Variants in MYO5A observed in about 807,000 individuals in gnomAD.
MYO5A encodes unconventional myosin-Va.
MYO5A carries 98 observed loss-of-function variants against 249.7 expected under a neutral mutation model. The ratio of observed to expected loss-of-function variants is 0.39; its 90% CI spans 0.33 to 0.46. MYO5A has a LOEUF of 0.46. Ranked by LOEUF, MYO5A falls within the 20% of genes least tolerant of loss-of-function variation. MYO5A has a pLI of 0.98. For synonymous variants in MYO5A, 778 were observed against 810.6 expected, an observed-to-expected ratio of 0.96 and a Z score of 0.68; for missense variants, 1,696 against 2,308.8, an observed-to-expected ratio of 0.73 and a Z score of 5.44.
chr15:52,399,243 G>C (rs1035536511), intron 9 of MYO5A, among the ~76,000 whole-genome samples: 1 of 152,000 alleles, frequency 6.6e-6, no homozygotes, highest in East Asian at 1.9e-4. Flanking sequence ...TATATCTTTC[G>C]AGGCTATGTC....
At chr15:52,472,861 A>G (rs2076505961) in intron 1 of MYO5A, among the ~76,000 whole-genome samples, 1 of 152,190 alleles carries the variant, frequency 6.6e-6, no homozygotes. Context: ...ATACGTGTAC[A>G]TGTGTCTTTA....
At chr15:52,474,206 T>G (rs2076540358) in intron 1 of MYO5A, among the ~76,000 whole-genome samples, 1 of 152,226 alleles carries the variant, frequency 6.6e-6, no homozygotes, top group African/African-American at 2.4e-5. Flanking sequence ...GTTATTGATG[T>G]GTAAGAATGC....
At chr15:52,453,228 C>A (rs542954383) in intron 1 of MYO5A, among the ~76,000 whole-genome samples, 2 of 152,164 alleles carry the variant, frequency 1.3e-5, no homozygotes, top group African/African-American at 2.4e-5. Flanking sequence ...CATTTTGCAA[C>A]AGACCTCTCA....
At chr15:52,454,751 A>T (rs12442531) in intron 1 of MYO5A, among the ~76,000 whole-genome samples, 1 of 152,040 alleles carries the variant, frequency 6.6e-6, no homozygotes, top group African/African-American at 2.4e-5. Flanking sequence ...ATTAAGATGG[A>T]AATTTAAAAT....
chr15:52,334,770 A>C (rs1050703552), intron 34 of MYO5A, among the ~76,000 whole-genome samples: 6 of 152,382 alleles, frequency 3.9e-5, no homozygotes, highest in African/African-American at 1.4e-4. Flanking sequence ...GGAAGCTCAG[A>C]GTCTATTATG....
At chr15:52,478,301 G>A (rs1026833393) in intron 1 of MYO5A, among the ~76,000 whole-genome samples, 19 of 152,156 alleles carry the variant, frequency 1.2e-4, no homozygotes. Context: ...TTTTCCAGGT[G>A]CCATCTCTCA....
At chr15:52,499,987 G>C (rs1232958467) in intron 1 of MYO5A, among the ~76,000 whole-genome samples, 2 of 152,138 alleles carry the variant, frequency 1.3e-5, no homozygotes, top group Non-Finnish European at 2.9e-5. Context: ...AGGATTTTGA[G>C]GGTTACAGTG....
intron 8 of MYO5A, among the ~76,000 whole-genome samples, chr15:52,405,882 GCCCA>G (rs2042983252): frequency 6.6e-6 from 1 of 152,162 alleles, no homozygotes; most frequent in Non-Finnish European, 1.5e-5. Flanking sequence ...TCCAGATACA[GCCCA>G]ATAAAGCTGT....
chr15:52,513,589 T>C (rs1215687697), intron 1 of MYO5A, among the ~76,000 whole-genome samples: 2 of 151,128 alleles, frequency 1.3e-5, no homozygotes, highest in African/African-American at 4.9e-5. Flanking sequence ...CACGTCCAGC[T>C]AATTTTTTTT....
rs370941678 is a variant in MYO5A, at chr15:52,477,063, C to T, written c.28-43778G>A. On this transcript the variant is annotated intron_variant, in intron 1 of 41. Coordinates refer to ENST00000399233, the MANE Select transcript of MYO5A (RefSeq NM_001382347.1). ...TGTAGATTTGGTCTTTTCACATAGT[C>T]CCATATTTCTTGGAGGCTTTGTCAT... Among the ~76,000 whole-genome samples the T allele has an allele frequency of 1.5e-3, 232 of 152,320 alleles. 2 individuals carry two copies. The Middle Eastern group carries it at 0.017, about 11-fold the overall frequency.
intron 24 of MYO5A, among the ~76,000 whole-genome samples, chr15:52,362,272 A>G (rs980882417): frequency 6.6e-6 from 1 of 152,296 alleles, no homozygotes; most frequent in East Asian, 1.9e-4. Context: ...CATTCATATG[A>G]CGACTCTGTT....
intron 1 of MYO5A, among the ~76,000 whole-genome samples, chr15:52,482,827 C>G (rs2076741920): frequency 6.6e-6 from 1 of 152,178 alleles, no homozygotes. Context: ...TAAATAGTGA[C>G]TCTATCCCCT....
At chr15:52,387,743 G>A in intron 14 of MYO5A, 86 bp downstream of exon 14, 1 of 1,094,786 alleles carries the variant, frequency 9.1e-7, no homozygotes, top group Non-Finnish European at 1.4e-6. Context: ...AACTGAAACA[G>A]ATTTTTGTTA....
At chr15:52,431,501 T>C (rs752046895) in intron 2 of MYO5A, among the ~76,000 whole-genome samples, 5 of 152,008 alleles carry the variant, frequency 3.3e-5, no homozygotes, top group African/African-American at 7.2e-5. Flanking sequence ...TATCCATCCA[T>C]GTATATATTT....
chr15:52,386,291 G>A lies in MYO5A; in HGVS notation c.1752+1538C>T, dbSNP rs190378136. Among the ~76,000 whole-genome samples, 147 of 146,266 alleles carry A rather than the reference G, an allele frequency of 1.0e-3. 3 individuals are homozygous for A. The South Asian group carries it at 0.02, about 20-fold the overall frequency. ...ATCACATCACTGCACTCTAGCCTGG[G>A]TGACAGTGAGACACTGTCTCAAAAC... On this transcript the variant is annotated intron_variant, in intron 14 of 41. Transcript: ENST00000399233.
intron 34 of MYO5A, chr15:52,331,573 G>C: frequency 1.5e-6 from 1 of 681,398 alleles, no homozygotes. Flanking sequence ...AAAAACATTA[G>C]AAAGCTTAAT....
rs565207103 is a variant in MYO5A, at chr15:52,350,115, G to A, written c.3849+1139C>T. Among the ~76,000 whole-genome samples, 162 of 152,218 alleles carry A rather than the reference G, an allele frequency of 1.1e-3. 1 individual carries two copies. The highest frequency in any genetic ancestry group is 3.8e-3 in the African/African-American group (159 of 41,532). Reference sequence around the variant, plus strand: ...ACCCGGTTGATTTTTTGTATTTTTAGTAGAGATGGGGTTTCACTGTGTTAG... The same window carrying A: ...ACCCGGTTGATTTTTTGTATTTTTAATAGAGATGGGGTTTCACTGTGTTAG... On this transcript the variant is annotated intron_variant, in intron 28 of 41. Transcript: ENST00000399233.
rs371687120 is a variant in MYO5A, at chr15:52,410,318, A to G, written c.756+15T>C. 5.6e-6 allele frequency: 9 copies of G among 1,611,124 alleles called. 1 individual carries two copies. In the Middle Eastern group the frequency reaches 8.2e-4, roughly 147 times the overall value. On this transcript the variant is annotated intron_variant, in intron 6 of 41. Transcript: ENST00000399233. ...CAATCTAACACAAGTGCATATGTGT[A>G]TATGGCCAGCTTACCTGGAATACCA...
chr15:52,353,008 C>T (rs984123564), intron 27 of MYO5A, among the ~76,000 whole-genome samples: 2 of 152,122 alleles, frequency 1.3e-5, no homozygotes, highest in Admixed American at 6.5e-5. Context: ...ACAAATGTTT[C>T]CCAAATTTAC....
Sources: gnomAD v4.1 joint callset for allele counts (sites outside exome capture counted in the v4.1 genomes callset) on GRCh38, gnomAD v4.1.1 for gene constraint, MANE v1.5 for transcripts, NCBI Gene and HGNC (gene_info 2026-07-23, HGNC 2026-07-21) for gene names.